The following NHS variants were observed in gnomAD, a reference collection of about 807,000 sequenced individuals.
NHS encodes actin remodeling regulator NHS.
NHS carries 5 observed loss-of-function variants against 72.5 expected under a neutral mutation model. The observed-to-expected ratio is 0.07, with a 90% CI of 0.04 to 0.14. The LOEUF (loss-of-function observed/expected upper bound fraction) is 0.14, where lower values mean the gene tolerates loss of function less well. Ranked by LOEUF, NHS falls within the 10% of genes least tolerant of loss-of-function variation. NHS has a pLI of 1.00. For synonymous variants in NHS, 464 were observed against 547.7 expected, an observed-to-expected ratio of 0.85 and a Z score of 2.13; for missense variants, 1,072 against 1,355.7, an observed-to-expected ratio of 0.79 and a Z score of 3.29.
rs757396336 is a variant in NHS at position 17,597,212 on chromosome X, CG to C, written c.566-90527del. Among the ~76,000 whole-genome samples the C allele has an allele frequency of 3.4e-3, 361 of 106,306 alleles. 1 individual carries two copies. Among genetic ancestry groups the C allele is most frequent in the African/African-American group, 0.012 (350 of 28,779 alleles). The allele number at this position is 106,306 out of a possible 115,157, so 92.3% of individuals were successfully genotyped here. A position where few individuals can be genotyped will look rare whatever the true frequency, so the allele number is the denominator to read the frequency against. On this transcript the variant is annotated intron_variant, in intron 1 of 8. Coordinates refer to ENST00000676302, the MANE Select transcript of NHS (RefSeq NM_001291867.2). Reference sequence around the variant, plus strand: ...TCGGCTCAGTGCAAGCTCCGCCTCCCGGGTTCACGCCATTCTCCTGCCTCAG... The same window carrying C: ...TCGGCTCAGTGCAAGCTCCGCCTCCCGGTTCACGCCATTCTCCTGCCTCAG...
chrX:17,400,975 C>T (rs2064500602), intron 1 of NHS, among the ~76,000 whole-genome samples: 1 of 112,132 alleles, frequency 8.9e-6, no homozygotes, highest in Non-Finnish European at 1.9e-5. Flanking sequence ...CTCACACTTC[C>T]CAGTTTTGAA....
chrX:17,418,314 G>A lies in NHS; in HGVS notation c.565+41992G>A, dbSNP rs767349856. ...CATTCATTCTCTGAATGTTGGAGAC[G>A]TTTTACTATTGCTTACTTAAAAATA... On this transcript the variant is annotated intron_variant, in intron 1 of 8. Transcript: ENST00000676302. Among the ~76,000 whole-genome samples the A allele has an allele frequency of 7.2e-5, 8 of 111,649 alleles. No individual in the cohort carries two copies. In the South Asian group the frequency reaches 1.5e-3, roughly 21 times the overall value.
chrX:17,400,423 T>C (rs956301219), intron 1 of NHS, among the ~76,000 whole-genome samples: 1 of 110,753 alleles, frequency 9.0e-6, no homozygotes. Context: ...TCGTCTCTAC[T>C]AAAAATACAA....
chrX:17,541,363 C>A (rs2065261553), intron 1 of NHS, among the ~76,000 whole-genome samples: 1 of 111,988 alleles, frequency 8.9e-6, no homozygotes, highest in South Asian at 3.7e-4. Flanking sequence ...GTGGACAAAT[C>A]TTTCCATTTT....
chrX:17,460,147 GTTTA>G (rs1433468615), intron 1 of NHS, among the ~76,000 whole-genome samples: 1 of 111,611 alleles, frequency 9.0e-6, no homozygotes, highest in African/African-American at 3.3e-5. Flanking sequence ...CAAGTACAAT[GTTTA>G]TTTATTTATT....
At chrX:17,664,278 T>C (rs1469397122) in intron 1 of NHS, among the ~76,000 whole-genome samples, 1 of 112,004 alleles carries the variant, frequency 8.9e-6, no homozygotes, top group Admixed American at 9.5e-5. Flanking sequence ...CTCAAGTTCA[T>C]GAATATTATT....
At chrX:17,527,770 A>G (rs2065180097) in intron 1 of NHS, among the ~76,000 whole-genome samples, 1 of 111,474 alleles carries the variant, frequency 9.0e-6, no homozygotes, top group African/African-American at 3.3e-5. Context: ...GAATTCTTAA[A>G]GTAAGTTTGA....
At chrX:17,494,170 T>C (rs924933864) in intron 1 of NHS, among the ~76,000 whole-genome samples, 22 of 104,978 alleles carry the variant, frequency 2.1e-4, no homozygotes, top group African/African-American at 7.7e-4. Flanking sequence ...CCTCTGCCTC[T>C]TGGGTTCAAG....
At chrX:17,476,288 T>G (rs936896336) in intron 1 of NHS, among the ~76,000 whole-genome samples, 2 of 111,981 alleles carry the variant, frequency 1.8e-5, no homozygotes, top group Non-Finnish European at 3.8e-5. Context: ...GATGCTGTAA[T>G]GGGCTTTTTA....
intron 1 of NHS, among the ~76,000 whole-genome samples, chrX:17,643,187 C>T (rs1270976169): frequency 8.9e-6 from 1 of 112,436 alleles, no homozygotes; most frequent in Non-Finnish European, 1.9e-5. Flanking sequence ...ATTTACATAA[C>T]AACTTGCCCA....
At chrX:17,720,077 C>T (rs1201957118) in intron 4 of NHS, among the ~76,000 whole-genome samples, 1 of 111,952 alleles carries the variant, frequency 8.9e-6, no homozygotes, top group East Asian at 2.8e-4. Context: ...TTGAGCTATT[C>T]GCTTCGCTGG....
chrX:17,507,126 T>TAGGG (rs2065062571), intron 1 of NHS, among the ~76,000 whole-genome samples: 1 of 112,731 alleles, frequency 8.9e-6, no homozygotes, highest in South Asian at 3.6e-4. Flanking sequence ...GGCTTCTTGC[T>TAGGG]AAAGCAAACA....
intron 1 of NHS, among the ~76,000 whole-genome samples, chrX:17,523,278 G>A (rs1249669352): frequency 9.0e-6 from 1 of 111,721 alleles, no homozygotes; most frequent in Non-Finnish European, 1.9e-5. Flanking sequence ...CAGAATGCAG[G>A]AATGCTGGAA....
chrX:17,549,862 G>C (rs1311586733), intron 1 of NHS, among the ~76,000 whole-genome samples: 1 of 111,139 alleles, frequency 9.0e-6, no homozygotes, highest in East Asian at 2.8e-4. Flanking sequence ...GTTTGAGTTG[G>C]GCCACATCTT....
chrX:17,499,522 C>G (rs2065027760), intron 1 of NHS, among the ~76,000 whole-genome samples: 1 of 111,104 alleles, frequency 9.0e-6, no homozygotes, highest in Non-Finnish European at 1.9e-5. Flanking sequence ...GCTTCCAACT[C>G]TGTGTCTTGG....
At position 17,680,896 on chromosome X, in the gene NHS, G is replaced by A. The variant is rs753590947; in HGVS notation, c.566-6846G>A. The stretch of plus-strand genomic sequence containing the variant: ...CATTCTGGAGGAGGTGTCTGGTATA[G>A]AACATGGCAGCAGAATGACCTGAAG... On this transcript the variant is annotated intron_variant, in intron 1 of 8. Transcript: ENST00000676302. Among the ~76,000 whole-genome samples, 7 of 112,633 alleles carry A rather than the reference G, an allele frequency of 6.2e-5. No individual in the cohort carries two copies. The South Asian group carries it at 2.6e-3, about 42-fold the overall frequency.
chrX:17,388,744 A>G (rs764707394), intron 1 of NHS, among the ~76,000 whole-genome samples: 21 of 109,980 alleles, frequency 1.9e-4, no homozygotes, highest in Non-Finnish European at 2.6e-4. Flanking sequence ...CAGGAGAAAC[A>G]TGATTGATTT....
intron 1 of NHS, among the ~76,000 whole-genome samples, chrX:17,431,189 T>C (rs113137896): frequency 3.2e-4 from 36 of 111,999 alleles, no homozygotes; most frequent in African/African-American, 1.2e-3. Flanking sequence ...GTAACAAGTT[T>C]ATCTTCTTCA....
chrX:17,415,012 C>G (rs1385106189), intron 1 of NHS, among the ~76,000 whole-genome samples: 1 of 111,247 alleles, frequency 9.0e-6, no homozygotes, highest in Non-Finnish European at 1.9e-5. Context: ...TATCTTGGTA[C>G]TGAGCCTGCC....
Sources: allele counts gnomAD v4.1 joint callset (sites outside exome capture counted in the v4.1 genomes callset), GRCh38; gene constraint gnomAD v4.1.1; transcripts MANE v1.5; gene names NCBI Gene and HGNC (gene_info 2026-07-23, HGNC 2026-07-21).